The following KCNH2 variants were observed in gnomAD, a reference collection of about 807,000 sequenced individuals.
KCNH2 encodes the protein potassium voltage-gated channel subfamily H member 2, also known as voltage-gated inwardly rectifying potassium channel KCNH2.
In KCNH2, 35 loss-of-function variants were observed where a neutral mutation model predicts 95.9. The observed-to-expected ratio is 0.37, with a 90% CI of 0.28 to 0.48. The LOEUF is 0.48. KCNH2 is among the 20% of genes least tolerant of loss of function. KCNH2 has a pLI of 0.99. For synonymous variants in KCNH2, 786 were observed against 754.7 expected, an observed-to-expected ratio of 1.04 and a Z score of -0.68; for missense variants, 1,274 against 1,702.9, an observed-to-expected ratio of 0.75 and a Z score of 4.43.
intron 9 of KCNH2, 138 bp downstream of exon 9, chr7:150,950,030 T>G: frequency 6.3e-7 from 1 of 1,596,288 alleles, no homozygotes; most frequent in Non-Finnish European, 8.5e-7. Flanking sequence ...GGGCCTGAGT[T>G]TAGGTGAATT....
rs368817970 is a variant in KCNH2, at chr7:150,952,792, C to T, written c.1190G>A (p.Arg397His). The change falls in exon 6 of 15, where the codon CGC becomes CAC. Residue 397 changes from arginine (R) to histidine (H), a missense_variant. Transcript: ENST00000262186. This position sits in a 1 kb window ranked among gnomAD's most constrained non-coding sequence, Gnocchi z 7.3. ...GGGGCTGTAATGCAGGATGGTCCAGCGGTGGATGCGCGGTGCCTGCAGCTT... is the reference window on the plus strand; with the variant it reads ...GGGGCTGTAATGCAGGATGGTCCAGTGGTGGATGCGCGGTGCCTGCAGCTT... ...EYKLQAPRIH[R>H]WTILHYSPFK... 4.8e-5 allele frequency: 78 copies of T among 1,613,956 alleles called. No homozygotes were observed. Among genetic ancestry groups the T allele is most frequent in the Non-Finnish European group, 6.4e-5 (76 of 1,180,026 alleles).
Position 150,946,977 on chromosome 7 carries a change from G to T in KCNH2, c.3230C>A (p.Ala1077Asp), listed in dbSNP as rs779333020. Reference protein sequence around the residue: ...LQRQMTLVPPAYSAVTTPGPG... With the variant: ...LQRQMTLVPPDYSAVTTPGPG... ...CCCCGGGGTGGTCACAGCACTGTAG[G>T]CGGGCGGGACCAGCGTCATCTGCCT... The change falls in exon 14 of 15, where the codon GCC (alanine) becomes GAC (aspartate). Residue 1077 changes from alanine to aspartate, a missense_variant. Transcript: ENST00000262186. The surrounding 1 kb of genome is among the most constrained non-coding windows in gnomAD (Gnocchi z 6.5). 1.2e-6 allele frequency: 2 copies of T among 1,610,316 alleles called. No individual in the cohort carries two copies. The highest frequency in any genetic ancestry group is 8.5e-7 in the Non-Finnish European group (1 of 1,177,382).
In KCNH2 at chr7:150,962,027, G is replaced by A. The variant is rs1420713106; in HGVS notation, c.308-2291C>T. On this transcript the variant is annotated intron_variant, in intron 2 of 14. Coordinates refer to ENST00000262186, the MANE Select transcript of KCNH2 (RefSeq NM_000238.4). This position sits in a 1 kb window ranked among gnomAD's most constrained non-coding sequence, Gnocchi z 5.7. ...CCTCACAGCCCCGCCCGAGGGCCCT[G>A]AGCTCTGGGGCTCTGTCTGGGTCTC... 6.6e-6 allele frequency among the ~76,000 whole-genome samples: 1 copy of A among 152,186 alleles called. No homozygotes were observed. Among genetic ancestry groups the A allele is most frequent in the Non-Finnish European group, 1.5e-5 (1 of 68,020 alleles).
chr7:150,947,795 G>A lies in KCNH2; in HGVS notation c.2776C>T (p.Pro926Ser), dbSNP rs899224669. The change falls in exon 12 of 15, where the codon CCG becomes TCG. Residue 926 changes from proline (P) to serine (S), a missense_variant. By Grantham distance (74) the Pro-to-Ser change is moderately conservative. Transcript: ENST00000262186. ...CCACTGGACGGGCTCTCCCCCCACG[G>A]CCCCCCCGGCCGGCCCCGGCTACTC... is the stretch of plus-strand genomic sequence containing the variant. ...GPSSRGRPGG[P>S]WGESPSSGPS... is the part of the protein sequence containing the mutation. 6.5e-7 allele frequency: 1 copy of A among 1,532,190 alleles called. No homozygotes were observed. 94.9% of individuals were successfully genotyped at this position (1,532,190 alleles called of 1,614,324 possible). A position where few individuals can be genotyped will look rare whatever the true frequency, so the allele number is the denominator to read the frequency against.
intron 1 of KCNH2, 74 bp downstream of exon 1, chr7:150,977,764 C>T (rs1802012405): frequency 4.0e-6 from 5 of 1,248,470 alleles, no homozygotes; most frequent in African/African-American, 1.5e-5. Flanking sequence ...CCGGGCACGC[C>T]CCCCCATCCA....
At position 150,952,770 on chromosome 7, in the gene KCNH2, G is replaced by A. The variant is rs1563161178; in HGVS notation, c.1212C>T (p.Ser404=). 3 of 1,614,150 alleles carry A rather than the reference G, an allele frequency of 1.9e-6. No homozygotes were observed. The highest frequency in any genetic ancestry group is 1.7e-6 in the Non-Finnish European group (2 of 1,180,030). The change falls in exon 6 of 15, where the codon AGC becomes AGT. Residue 404 remains serine, a synonymous_variant. Coordinates refer to ENST00000262186, the MANE Select transcript of KCNH2 (RefSeq NM_000238.4). This position sits in a 1 kb window ranked among gnomAD's most constrained non-coding sequence, Gnocchi z 7.3. ...RIHRWTILHY[S]PFKAVWDWLI... ...GCCAGTCCCACACGGCCTTGAAGGG[G>A]CTGTAATGCAGGATGGTCCAGCGGT... is the stretch of plus-strand genomic sequence containing the variant.
chr7:150,952,922 T>A lies in KCNH2; in HGVS notation c.1129-69A>T. The A allele has an allele frequency of 1.4e-6, 2 of 1,474,010 alleles. No homozygotes were observed. Among genetic ancestry groups the A allele is most frequent in the East Asian group, 2.3e-5 (1 of 43,858 alleles). The allele number at this position is 1,474,010 out of a possible 1,614,324, so 91.3% of individuals were successfully genotyped here. A position where few individuals can be genotyped will look rare whatever the true frequency, so the allele number is the denominator to read the frequency against. On this transcript the variant is annotated intron_variant, in intron 5 of 14. Transcript: ENST00000262186. This position sits in a 1 kb window ranked among gnomAD's most constrained non-coding sequence, Gnocchi z 7.3. ...GACCTCGGGGGCAGGAGCGATGACATCTCTGCCGGGGCCAAGCAGAATGAG... is the reference window on the plus strand; with the variant it reads ...GACCTCGGGGGCAGGAGCGATGACAACTCTGCCGGGGCCAAGCAGAATGAG...
Position 150,951,442 on chromosome 7 carries a change from A to G in KCNH2, c.1945+6T>C, listed in dbSNP as rs794728380. ...CTCCCCGCCGCCCGCCCCTGGGCAC[A>G]CTCACAGCCAATGAGCATGACGCAG... On this transcript the variant is annotated splice_donor_region_variant and intron_variant, in intron 7 of 14. Coordinates refer to ENST00000262186, the MANE Select transcript of KCNH2 (RefSeq NM_000238.4). 1 of 1,613,846 alleles carries G rather than the reference A, an allele frequency of 6.2e-7. No homozygotes were observed. The highest frequency in any genetic ancestry group is 8.5e-7 in the Non-Finnish European group (1 of 1,180,018).
intron 5 of KCNH2, 80 bp downstream of exon 5, chr7:150,957,211 G>A (rs932937918): frequency 3.5e-5 from 43 of 1,214,608 alleles, no homozygotes; most frequent in South Asian, 2.1e-4. Context: ...CCCTCCACCC[G>A]GCTCTGGATC....
rs371509270 is a variant in KCNH2, at chr7:150,955,507, G to A, written c.1128+1784C>T. 729 of 1,543,936 alleles carry A rather than the reference G, an allele frequency of 4.7e-4. 2 individuals carry two copies. In the African/African-American group the frequency reaches 9.3e-3, roughly 20 times the overall value. On this transcript the variant is annotated intron_variant, in intron 5 of 14. Coordinates refer to ENST00000262186, the MANE Select transcript of KCNH2 (RefSeq NM_000238.4). ...CCTTCCCGGCTGGGGCCGCCATGGA[G>A]GACTTGGCTCCCTGCAGCCTGCCTG... is the stretch of plus-strand genomic sequence containing the variant.
At chr7:150,951,355 C>T in intron 7 of KCNH2, 93 bp downstream of exon 7, 1 of 1,351,134 alleles carries the variant, frequency 7.4e-7, no homozygotes, top group African/African-American at 1.5e-5. Context: ...AGTTCCAGGG[C>T]CTCACTCTGG....
At chr7:150,966,259 G>C (rs1002033922) in intron 2 of KCNH2, among the ~76,000 whole-genome samples, 4 of 148,934 alleles carry the variant, frequency 2.7e-5, no homozygotes, top group African/African-American at 1.0e-4. Flanking sequence ...TCTGTGCTCT[G>C]TCTTGGCTCC....
At chr7:150,955,248 G>A (rs757196616) in intron 5 of KCNH2, 38 of 803,544 alleles carry the variant, frequency 4.7e-5, no homozygotes, top group East Asian at 1.6e-4. Context: ...GGAGCCAGGC[G>A]CGGGTGAGCA....
chr7:150,957,203 C>T, intron 5 of KCNH2, 88 bp downstream of exon 5: 1 of 1,150,456 alleles, frequency 8.7e-7, no homozygotes, highest in Non-Finnish European at 1.3e-6. Flanking sequence ...GGCTAGCCCC[C>T]TCCACCCGGC....
At chr7:150,968,200 GT>G (rs1213541372) in intron 2 of KCNH2, among the ~76,000 whole-genome samples, 2 of 152,232 alleles carry the variant, frequency 1.3e-5, no homozygotes, top group Non-Finnish European at 2.9e-5. Flanking sequence ...AGGCATGGCA[GT>G]ACTTAGTTAA....
At position 150,946,861 on chromosome 7, in the gene KCNH2, C is replaced by G. The variant is rs770485005; in HGVS notation, c.3330+16G>C. The G allele has an allele frequency of 1.3e-6, 2 of 1,592,834 alleles. No individual in the cohort carries two copies. Among genetic ancestry groups the G allele is most frequent in the African/African-American group, 2.7e-5 (2 of 74,538 alleles). ...AGCGGGTCACGGTACATCGAGGAAGCAGGGCTGGAGCTTACCTGAGAAAGC... is the reference window on the plus strand; with the variant it reads ...AGCGGGTCACGGTACATCGAGGAAGGAGGGCTGGAGCTTACCTGAGAAAGC... On this transcript the variant is annotated intron_variant, in intron 14 of 14. Coordinates refer to ENST00000262186, the MANE Select transcript of KCNH2 (RefSeq NM_000238.4). The surrounding 1 kb of genome is among the most constrained non-coding windows in gnomAD (Gnocchi z 6.5).
At chr7:150,972,549 T>C (rs1033016925) in intron 2 of KCNH2, among the ~76,000 whole-genome samples, 1 of 152,186 alleles carries the variant, frequency 6.6e-6, no homozygotes, top group Admixed American at 6.5e-5. Flanking sequence ...GGCCAGCCTG[T>C]TGGCCAACAG....
Position 150,957,435 on chromosome 7 carries a change from G to A in KCNH2, c.984C>T (p.Arg328=), listed in dbSNP as rs773621951. Residue 328 remains arginine (R), a synonymous_variant, in exon 5 of 15, where the codon CGC becomes CGT. Coordinates refer to ENST00000262186, the MANE Select transcript of KCNH2 (RefSeq NM_000238.4). The part of the protein sequence containing the change: ...STSDSDLVRY[R]TISKIPQITL... ...TGATTTGGGGAATCTTGCTAATGGT[G>A]CGGTAGCGCACGAGGTCGGAGTCCG... 1 of 1,614,248 alleles carries A rather than the reference G, an allele frequency of 6.2e-7. No homozygotes were observed.
At chr7:150,954,057 T>C (rs886489664) in intron 5 of KCNH2, among the ~76,000 whole-genome samples, 3 of 152,194 alleles carry the variant, frequency 2.0e-5, no homozygotes, top group African/African-American at 7.2e-5. Context: ...AGACGGGTCA[T>C]AGTCAAAGAT....
Sources: gnomAD v4.1 joint callset for allele counts (sites outside exome capture counted in the v4.1 genomes callset) on GRCh38, gnomAD v4.1.1 for gene constraint, Gnocchi (gnomAD v3.1) non-coding constraint, MANE v1.5 for transcripts, NCBI Gene and HGNC (gene_info 2026-07-23, HGNC 2026-07-21) for gene names.